NCOA1: variants seen among roughly 807,000 people sequenced by gnomAD.
The protein encoded by NCOA1 is nuclear receptor coactivator 1, also known as Hin-2 protein.
In NCOA1, 35 loss-of-function variants were observed where a neutral mutation model predicts 150.9. The observed-to-expected ratio is 0.23, with a 90% CI of 0.18 to 0.31. NCOA1 has a LOEUF of 0.31. Ranked by LOEUF, NCOA1 falls within the 10% of genes least tolerant of loss-of-function variation. The pLI, the probability that NCOA1 is intolerant of heterozygous loss-of-function variation, is 1.00. For missense variants in NCOA1, 1,491 were observed against 1,749.3 expected, an observed-to-expected ratio of 0.85 and a Z score of 2.63; for synonymous variants, 590 against 630.0, an observed-to-expected ratio of 0.94 and a Z score of 0.95.
At chr2:24,730,156 T>G (rs1186754681) in intron 17 of NCOA1, among the ~76,000 whole-genome samples, 1 of 152,208 alleles carries the variant, frequency 6.6e-6, no homozygotes, top group Non-Finnish European at 1.5e-5. Flanking sequence ...CAGTTGATAC[T>G]TTTTAAAGGT....
chr2:24,675,975 G>A (rs554388069), intron 7 of NCOA1, among the ~76,000 whole-genome samples: 19 of 152,220 alleles, frequency 1.2e-4, no homozygotes, highest in African/African-American at 4.6e-4. Context: ...TCTATCCTTA[G>A]CCCAGATCTG....
At chr2:24,737,031 C>T (rs924178306) in intron 17 of NCOA1, among the ~76,000 whole-genome samples, 1 of 152,186 alleles carries the variant, frequency 6.6e-6, no homozygotes, top group Non-Finnish European at 1.5e-5. Flanking sequence ...CCCTCTTCCG[C>T]TGGCCACAAG....
chr2:24,532,084 G>A (rs922089773), intron 1 of NCOA1, among the ~76,000 whole-genome samples: 1 of 152,206 alleles, frequency 6.6e-6, no homozygotes, highest in African/African-American at 2.4e-5. Flanking sequence ...CAGTGTAAAT[G>A]TGTTCCTATT....
chr2:24,760,204 A>G (rs1664714000), intron 21 of NCOA1, among the ~76,000 whole-genome samples: 1 of 148,262 alleles, frequency 6.7e-6, no homozygotes, highest in Non-Finnish European at 1.5e-5. Flanking sequence ...TGGTGGCACA[A>G]CCTCAGCTCA....
intron 1 of NCOA1, among the ~76,000 whole-genome samples, chr2:24,523,901 G>C (rs896479385): frequency 5.7e-5 from 7 of 122,592 alleles, no homozygotes; most frequent in Non-Finnish European, 1.1e-4. Context: ...ACTCCAGCCT[G>C]GCAACAGAGT....
Position 24,646,092 on chromosome 2 carries a change from C to T in NCOA1, c.-18+1970C>T, listed in dbSNP as rs1422940721. On this transcript the variant is annotated intron_variant, in intron 4 of 22. Transcript: ENST00000348332. ...GTTCAGTGAGTGACTCTAAGAAAGT[C>T]ATTTTCCTCATTATAATGACATTTT... 3.9e-5 allele frequency among the ~76,000 whole-genome samples: 6 copies of T among 152,240 alleles called. No homozygotes were observed. In the South Asian group the frequency reaches 1.0e-3, roughly 26 times the overall value.
At chr2:24,622,943 G>A (rs1378265921) in intron 3 of NCOA1, among the ~76,000 whole-genome samples, 1 of 152,106 alleles carries the variant, frequency 6.6e-6, no homozygotes, top group African/African-American at 2.4e-5. Flanking sequence ...TGTATGTGTT[G>A]CATGTGTTTG....
At chr2:24,656,286 C>T (rs971441377) in intron 4 of NCOA1, among the ~76,000 whole-genome samples, 1 of 152,018 alleles carries the variant, frequency 6.6e-6, no homozygotes, top group Non-Finnish European at 1.5e-5. Context: ...TTTTTCTGGC[C>T]CCAAAGCCCA....
In NCOA1 at chr2:24,491,526, A is replaced by G. The variant is rs1360777421; in HGVS notation, c.-472A>G. On this transcript the variant is annotated 5_prime_UTR_variant, in exon 1 of 23. Coordinates refer to ENST00000348332, the MANE Select transcript of NCOA1 (RefSeq NM_003743.5). ...CGGCGCCGGGCCCGAGGAGCGGCGG[A>G]GGCCGGGGCGGCGCCGCCGCCACGG... Among the ~76,000 whole-genome samples, 10 of 2,372 alleles carry G rather than the reference A, an allele frequency of 4.2e-3. No homozygotes were observed. Among genetic ancestry groups the G allele is most frequent in the African/African-American group, 9.2e-3 (7 of 758 alleles). The allele number at this position is 2,372 out of a possible 152,430, so 1.6% of individuals were successfully genotyped here. A position where few individuals can be genotyped will look rare whatever the true frequency, so the allele number is the denominator to read the frequency against.
At chr2:24,610,305 TC>T in intron 3 of NCOA1, among the ~76,000 whole-genome samples, 1 of 151,550 alleles carries the variant, frequency 6.6e-6, no homozygotes, top group South Asian at 2.1e-4. Flanking sequence ...TTGTATTTTT[TC>T]TTTTTTTCTT....
In NCOA1 at chr2:24,750,436, A is replaced by G. The variant is rs192833300; in HGVS notation, c.3707-1546A>G. ...ATAAAAAGTTCAGAAGTAAACCCTT[A>G]CTTTTATGGTCAGTTGAGTTTTGAC... On this transcript the variant is annotated intron_variant, in intron 19 of 22. Coordinates refer to ENST00000348332, the MANE Select transcript of NCOA1 (RefSeq NM_003743.5). 7.9e-5 allele frequency among the ~76,000 whole-genome samples: 12 copies of G among 152,322 alleles called. No individual in the cohort carries two copies. In the East Asian group the frequency reaches 2.1e-3, roughly 27 times the overall value.
intron 1 of NCOA1, among the ~76,000 whole-genome samples, chr2:24,527,913 A>G (rs1664719416): frequency 6.6e-6 from 1 of 152,144 alleles, no homozygotes; most frequent in South Asian, 2.1e-4. Context: ...TTCCCTTGTG[A>G]TTAGTGATAT....
chr2:24,630,861 T>G (rs1036861235), intron 3 of NCOA1, among the ~76,000 whole-genome samples: 3 of 152,192 alleles, frequency 2.0e-5, no homozygotes, highest in African/African-American at 4.8e-5. Context: ...GCAAACAACT[T>G]TATTGTAAAG....
At chr2:24,579,370 G>A (rs989277257) in intron 2 of NCOA1, among the ~76,000 whole-genome samples, 1 of 152,214 alleles carries the variant, frequency 6.6e-6, no homozygotes, top group Non-Finnish European at 1.5e-5. Context: ...TGTAGCTAAC[G>A]AGGTAGGACT....
chr2:24,617,355 A>G (rs1024830759), intron 3 of NCOA1, among the ~76,000 whole-genome samples: 5 of 151,930 alleles, frequency 3.3e-5, no homozygotes, highest in African/African-American at 1.2e-4. Context: ...CTCCACCTCA[A>G]CTTCTGCTGG....
rs753005597 is a variant in NCOA1, at chr2:24,742,103, G to A, written c.3623G>A (p.Gly1208Asp). ...AACCGCAACAGCATGGTGAGCAGAGGCATGACAGGAAACATAGGAGGACAG... is the reference window on the plus strand; with the variant it reads ...AACCGCAACAGCATGGTGAGCAGAGACATGACAGGAAACATAGGAGGACAG... ...LANRNSMVSR[G>D]MTGNIGGQFG... Residue 1208 changes from glycine to aspartate, a missense_variant, in exon 19 of 23, where the codon GGC (glycine) becomes GAC (aspartate). Around this residue, in one of 8 missense-constraint regions of NCOA1, gnomAD observed 485 missense variants for 522.8 expected, o/e 0.93. Transcript: ENST00000348332. 3 of 1,614,216 alleles carry A rather than the reference G, an allele frequency of 1.9e-6. No homozygotes were observed. Among genetic ancestry groups the A allele is most frequent in the South Asian group, 1.1e-5 (1 of 91,082 alleles).
At chr2:24,576,163 GTTTTTTGTTTTTTTTTTTTTT>G (rs1432119538) in intron 2 of NCOA1, among the ~76,000 whole-genome samples, 3 of 92,734 alleles carry the variant, frequency 3.2e-5, no homozygotes, top group Non-Finnish European at 6.4e-5. Flanking sequence ...TTTTTTTTTT[GTTTTTTGTTTTTTTTTTTTTT>G]TTTTTTTGTT....
chr2:24,594,897 A>T (rs1045341979), intron 3 of NCOA1, among the ~76,000 whole-genome samples: 1 of 152,118 alleles, frequency 6.6e-6, no homozygotes, highest in Non-Finnish European at 1.5e-5. Flanking sequence ...TTAAGCTATT[A>T]TAGTAATGCA....
chr2:24,522,389 G>C (rs1048512343), intron 1 of NCOA1, among the ~76,000 whole-genome samples: 1 of 152,142 alleles, frequency 6.6e-6, no homozygotes, highest in Non-Finnish European at 1.5e-5. Context: ...CAGTGTTCAA[G>C]CTTTGTGTGC....
Sources: allele counts gnomAD v4.1 joint callset (sites outside exome capture counted in the v4.1 genomes callset), GRCh38; gene constraint gnomAD v4.1.1; regional missense constraint gnomAD v4.1.1; transcripts MANE v1.5; gene names NCBI Gene and HGNC (gene_info 2026-07-23, HGNC 2026-07-21).